EMCN: variants seen among roughly 807,000 people sequenced by gnomAD.
EMCN encodes MUC-14.
In EMCN, 37 loss-of-function variants were observed where a neutral mutation model predicts 38.4. That is an observed-to-expected ratio of 0.96 (90% CI 0.74 to 1.27). The LOEUF (loss-of-function observed/expected upper bound fraction) is 1.27, where lower values mean the gene tolerates loss of function less well. Among genes scored for constraint, EMCN ranks in the 50% most tolerant of loss-of-function variants. The probability of loss-of-function intolerance (pLI) is 0.00; values close to 1 mark genes in which losing one functional copy is unlikely to be tolerated. For synonymous variants in EMCN, 95 were observed against 100.8 expected (o/e 0.94, Z 0.35); for missense variants, 318 against 302.8 (o/e 1.05, Z -0.37).
intron 3 of EMCN, among the ~76,000 whole-genome samples, chr4:100,473,365 G>GGT (rs1728533364): frequency 3.4e-5 from 1 of 29,838 alleles, no homozygotes; most frequent in African/African-American, 8.1e-5. Flanking sequence ...CCCGTTTCGT[G>GGT]TTTTTTTGTT....
chr4:100,470,814 A>G (rs1053765514), intron 3 of EMCN, among the ~76,000 whole-genome samples: 3 of 152,078 alleles, frequency 2.0e-5, no homozygotes, highest in African/African-American at 7.2e-5. Flanking sequence ...GTTCTCACTT[A>G]TAAGTGGGAG....
intron 4 of EMCN, among the ~76,000 whole-genome samples, chr4:100,464,355 T>C (rs190136830): frequency 1.3e-5 from 2 of 152,190 alleles, no homozygotes; most frequent in African/African-American, 4.8e-5. Context: ...GCTTTATTTC[T>C]TCCTTTTCAA....
intron 10 of EMCN, among the ~76,000 whole-genome samples, chr4:100,411,549 A>G (rs1240317073): frequency 6.6e-6 from 1 of 152,178 alleles, no homozygotes; most frequent in African/African-American, 2.4e-5. Context: ...GAATAATGAT[A>G]TTTATAGTAA....
At chr4:100,409,057 G>A (rs1726475972) in intron 11 of EMCN, among the ~76,000 whole-genome samples, 1 of 152,150 alleles carries the variant, frequency 6.6e-6, no homozygotes, top group Non-Finnish European at 1.5e-5. Context: ...GACAAGCACA[G>A]CAGGTACCAT....
intron 3 of EMCN, among the ~76,000 whole-genome samples, chr4:100,472,260 A>C (rs945014960): frequency 6.6e-5 from 10 of 151,986 alleles, no homozygotes; most frequent in African/African-American, 2.4e-4. Flanking sequence ...TTAGTTCAAT[A>C]GAGTGGAAGG....
rs5860622 is a variant in EMCN at position 100,414,348 on chromosome 4, C to CTTTT, written c.751+1546_751+1549dup. Reference sequence around the variant, plus strand: ...TGGTTCACATTAGGCTGCTTGAGCACTTTTTTTTTTTTTTTTTTTTTTTTT... The same window carrying CTTTT: ...TGGTTCACATTAGGCTGCTTGAGCACTTTTTTTTTTTTTTTTTTTTTTTTTTTTT... On this transcript the variant is annotated intron_variant, in intron 10 of 11. Transcript: ENST00000296420. Among the ~76,000 whole-genome samples the CTTTT allele has an allele frequency of 2.8e-4, 17 of 59,798 alleles. 1 individual carries two copies. The highest frequency in any genetic ancestry group is 1.0e-3 in the African/African-American group (15 of 14,762). The allele number at this position is 59,798 out of a possible 152,430, so 39.2% of individuals were successfully genotyped here. A position where few individuals can be genotyped will look rare whatever the true frequency, so the allele number is the denominator to read the frequency against.
At chr4:100,414,273 T>C (rs1290901432) in intron 10 of EMCN, among the ~76,000 whole-genome samples, 1 of 151,590 alleles carries the variant, frequency 6.6e-6, no homozygotes, top group African/African-American at 2.4e-5. Context: ...GGTCTTTTCT[T>C]GATAAATCGT....
chr4:100,509,043 AC>A (rs1209745063), intron 1 of EMCN, among the ~76,000 whole-genome samples: 1 of 152,172 alleles, frequency 6.6e-6, no homozygotes, highest in Non-Finnish European at 1.5e-5. Context: ...AACTCTTCTG[AC>A]TTTTGAAGAA....
At chr4:100,478,660 A>G (rs74538040) in intron 2 of EMCN, among the ~76,000 whole-genome samples, 1,651 of 152,292 alleles carry the variant, frequency 0.011, 33 homozygotes, top group African/African-American at 0.038. Context: ...TAATTACAGT[A>G]TTCTCTACTT....
chr4:100,484,331 C>G (rs184137519), intron 1 of EMCN, among the ~76,000 whole-genome samples: 2 of 152,144 alleles, frequency 1.3e-5, no homozygotes, highest in Admixed American at 1.3e-4. Context: ...TCTCTGTTTT[C>G]AAATGATAAA....
At chr4:100,451,690 G>T (rs1727843717) in intron 4 of EMCN, among the ~76,000 whole-genome samples, 1 of 151,906 alleles carries the variant, frequency 6.6e-6, no homozygotes, top group African/African-American at 2.4e-5. Flanking sequence ...AAGAAAAACA[G>T]GGTTTTAATC....
At chr4:100,442,912 C>T (rs1300537226) in intron 5 of EMCN, among the ~76,000 whole-genome samples, 2 of 152,094 alleles carry the variant, frequency 1.3e-5, no homozygotes, top group Admixed American at 6.5e-5. Context: ...TGCAGTGGTG[C>T]AATCTTGGCT....
rs1255525638 is a variant in EMCN at position 100,475,658 on chromosome 4, CCTTTTTTTTTT to C, written c.188-560_188-550del. On this transcript the variant is annotated intron_variant, in intron 2 of 11. Transcript: ENST00000296420. The stretch of plus-strand genomic sequence containing the variant: ...CTTGAGGGCAGTATCCAATTCTAGT[CCTTTTTTTTTT>C]TTTTTTTTTTTTTTTTTTTTTTTTT... Among the ~76,000 whole-genome samples the C allele has an allele frequency of 2.0e-4, 22 of 108,104 alleles. 4 individuals are homozygous for C. Among genetic ancestry groups the C allele is most frequent in the South Asian group, 1.5e-3 (5 of 3,306 alleles). The allele number at this position is 108,104 out of a possible 152,430, so 70.9% of individuals were successfully genotyped here. A position where few individuals can be genotyped will look rare whatever the true frequency, so the allele number is the denominator to read the frequency against.
At position 100,488,186 on chromosome 4, in the gene EMCN, T is replaced by C. The variant is rs141138487; in HGVS notation, c.65-8147A>G. 3.7e-4 allele frequency among the ~76,000 whole-genome samples: 56 copies of C among 152,340 alleles called. 2 individuals are homozygous for C. Among genetic ancestry groups the C allele is most frequent in the African/African-American group, 1.3e-3 (53 of 41,588 alleles). On this transcript the variant is annotated intron_variant, in intron 1 of 11. Transcript: ENST00000296420. ...TGTCTCCTCAACTGTGAAACTGTAT[T>C]ACATCTAAGGTTCAGTTACAATGTA...
At chr4:100,449,699 A>G (rs1378529235) in intron 4 of EMCN, among the ~76,000 whole-genome samples, 1 of 152,074 alleles carries the variant, frequency 6.6e-6, no homozygotes, top group East Asian at 1.9e-4. Context: ...TTAGCCTTCA[A>G]AAATGTGTAA....
chr4:100,500,038 A>T (rs1050040935), intron 1 of EMCN, among the ~76,000 whole-genome samples: 5 of 152,184 alleles, frequency 3.3e-5, no homozygotes, highest in Admixed American at 3.3e-4. Context: ...TGTTCTAGAG[A>T]TGTGGGGAAA....
rs995826314 is a variant in EMCN at position 100,427,342 on chromosome 4, G to A, written c.416-3938C>T. On this transcript the variant is annotated intron_variant, in intron 5 of 11. Coordinates refer to ENST00000296420, the MANE Select transcript of EMCN (RefSeq NM_016242.4). ...GCTGAATTGCAGTGGGGCAGTCACA[G>A]TTCCCTGCAGCCTTCATTTACTGGG... Among the ~76,000 whole-genome samples the A allele has an allele frequency of 1.3e-5, 2 of 152,158 alleles. 1 individual carries two copies. Among genetic ancestry groups the A allele is most frequent in the South Asian group, 4.2e-4 (2 of 4,818 alleles).
intron 1 of EMCN, among the ~76,000 whole-genome samples, chr4:100,512,801 C>A: frequency 7.1e-6 from 1 of 140,082 alleles, no homozygotes; most frequent in Non-Finnish European, 1.5e-5. Flanking sequence ...AGCAAAACTC[C>A]ATCTCAAAAA....
At chr4:100,418,585 G>A (rs1258000757) in intron 8 of EMCN, among the ~76,000 whole-genome samples, 1 of 151,722 alleles carries the variant, frequency 6.6e-6, no homozygotes, top group African/African-American at 2.4e-5. Context: ...CTACTCTCTA[G>A]CTCCATGAGT....
Sources: allele counts gnomAD v4.1 joint callset (sites outside exome capture counted in the v4.1 genomes callset), GRCh38; gene constraint gnomAD v4.1.1; transcripts MANE v1.5; gene names NCBI Gene and HGNC (gene_info 2026-07-23, HGNC 2026-07-21).